Variants in ATP6V1E2 observed in about 807,000 individuals in gnomAD.
ATP6V1E2 encodes V-type proton ATPase subunit E 2.
For synonymous variants in ATP6V1E2, 121 were observed against 104.2 expected (o/e 1.16, Z -0.98); for missense variants, 308 against 273.3 (o/e 1.13, Z -0.90).
chr2:46,522,055 G>C (rs1666661398), intron 4 of ATP6V1E2, among the ~76,000 whole-genome samples: 1 of 152,104 alleles, frequency 6.6e-6, no homozygotes, highest in Non-Finnish European at 1.5e-5. Flanking sequence ...AACATTTTGG[G>C]AGGCAGAGGT....
chr2:46,540,553 C>T (rs60604300), intron 2 of ATP6V1E2, among the ~76,000 whole-genome samples: 49,105 of 149,664 alleles, frequency 0.33, 8,393 homozygotes, highest in South Asian at 0.4. Flanking sequence ...GCCTATGGGA[C>T]GCTCAGAAAC....
intron 4 of ATP6V1E2, among the ~76,000 whole-genome samples, chr2:46,527,462 C>G (rs1361111953): frequency 2.6e-5 from 4 of 152,200 alleles, no homozygotes; most frequent in Non-Finnish European, 5.9e-5. Context: ...ACCTCGTGAT[C>G]TGCCCACCTT....
At chr2:46,518,486 ACACAACACAC>A (rs1365865206) in intron 4 of ATP6V1E2, among the ~76,000 whole-genome samples, 3 of 81,280 alleles carry the variant, frequency 3.7e-5, no homozygotes, top group African/African-American at 1.6e-4. Flanking sequence ...ACACACACAC[ACACAACACAC>A]ACACACACAC....
At chr2:46,532,744 G>A (rs1005186665) in intron 4 of ATP6V1E2, among the ~76,000 whole-genome samples, 6 of 152,290 alleles carry the variant, frequency 3.9e-5, no homozygotes, top group East Asian at 1.9e-4. Flanking sequence ...GAAGCAGAGC[G>A]TGAGCCCTCA....
At chr2:46,518,926 A>C (rs1332698469) in intron 4 of ATP6V1E2, 1 of 152,124 alleles carries the variant, frequency 6.6e-6, no homozygotes, top group East Asian at 1.9e-4. Flanking sequence ...AGGAAGAAAT[A>C]TATCAGGTGA....
At chr2:46,514,711 G>A (rs914542192) in intron 4 of ATP6V1E2, among the ~76,000 whole-genome samples, 1 of 152,026 alleles carries the variant, frequency 6.6e-6, no homozygotes, top group African/African-American at 2.4e-5. Context: ...TCAAAAGAAG[G>A]CTGGGAAAAA....
intron 4 of ATP6V1E2, among the ~76,000 whole-genome samples, chr2:46,531,892 T>C (rs1257559027): frequency 6.6e-6 from 1 of 152,262 alleles, no homozygotes; most frequent in Non-Finnish European, 1.5e-5. Flanking sequence ...ATTTGTCATT[T>C]TATTGTTGAA....
chr2:46,512,597 TA>T lies in ATP6V1E2; in HGVS notation c.114del (p.Phe38LeufsTer14), dbSNP rs1687520359. ...TGCACGAGGCGTCCTTTCTCAATGT[TA>T]AACTCTTCCTCAGCCTTGGCATCGA... Reference protein sequence around the residue: ...EEIDAKAEEEFNIEKGRLVQT... With the variant: ...EEIDAKAEEEXNIEKGRLVQT... On this transcript the variant is annotated frameshift_variant, in exon 5 of 5. Coordinates refer to ENST00000522587, the MANE Select transcript of ATP6V1E2 (RefSeq NM_001318063.2). LOFTEE classifies it low-confidence loss of function (END_TRUNC). The T allele has an allele frequency of 6.2e-7, 1 of 1,614,214 alleles. No homozygotes were observed. The highest frequency in any genetic ancestry group is 8.5e-7 in the Non-Finnish European group (1 of 1,180,044).
chr2:46,527,099 G>C (rs1666960019), intron 4 of ATP6V1E2, among the ~76,000 whole-genome samples: 1 of 152,138 alleles, frequency 6.6e-6, no homozygotes, highest in Admixed American at 6.5e-5. Flanking sequence ...CTGTTGCCCA[G>C]GTTGGAGTGT....
rs1488943297 is a variant in ATP6V1E2, at chr2:46,535,001, T to C, written c.-102+812A>G. 2.0e-5 allele frequency: 3 copies of C among 152,240 alleles called. No homozygotes were observed. The highest frequency in any genetic ancestry group is 7.2e-5 in the African/African-American group (3 of 41,466). The allele number at this position is 152,240 out of a possible 1,614,324, so 9.4% of individuals were successfully genotyped here. ...CCTGTTTTGCTGTTATATTCTCTCC[T>C]TTCTGATACTCTGCCTTGAAAAGTC... On this transcript the variant is annotated intron_variant, in intron 4 of 4. Coordinates refer to ENST00000522587, the MANE Select transcript of ATP6V1E2 (RefSeq NM_001318063.2). This position sits in a 1 kb window ranked among gnomAD's most constrained non-coding sequence, Gnocchi z 4.4.
intron 2 of ATP6V1E2, among the ~76,000 whole-genome samples, chr2:46,538,179 C>T (rs1406323349): frequency 6.6e-6 from 1 of 152,108 alleles, no homozygotes; most frequent in African/African-American, 2.4e-5. Context: ...TGATCTGTCT[C>T]CTCCTGGCTC....
At chr2:46,523,872 T>A (rs1228625076) in intron 4 of ATP6V1E2, among the ~76,000 whole-genome samples, 3 of 152,232 alleles carry the variant, frequency 2.0e-5, no homozygotes, top group Non-Finnish European at 4.4e-5. Flanking sequence ...GAGAATGGAA[T>A]GTTTTTCCAT....
intron 4 of ATP6V1E2, among the ~76,000 whole-genome samples, chr2:46,513,413 T>C (rs1687568545): frequency 6.6e-6 from 1 of 152,268 alleles, no homozygotes; most frequent in African/African-American, 2.4e-5. Flanking sequence ...TGGAATGTTC[T>C]GCATATATGT....
At chr2:46,532,991 C>G (rs1398478765) in intron 4 of ATP6V1E2, among the ~76,000 whole-genome samples, 1 of 151,558 alleles carries the variant, frequency 6.6e-6, no homozygotes, top group Non-Finnish European at 1.5e-5. Context: ...GTTATAGGTT[C>G]TATTTCTACA....
At chr2:46,517,722 C>T (rs1666347661) in intron 4 of ATP6V1E2, among the ~76,000 whole-genome samples, 1 of 152,152 alleles carries the variant, frequency 6.6e-6, no homozygotes, top group African/African-American at 2.4e-5. Context: ...CAAAGGCCAA[C>T]AGGCATAGGA....
chr2:46,525,491 A>C (rs1271993552), intron 4 of ATP6V1E2, among the ~76,000 whole-genome samples: 1 of 137,668 alleles, frequency 7.3e-6, no homozygotes, highest in East Asian at 2.3e-4. Context: ...AAAAAAAAAG[A>C]AAGCAGGGAC....
rs151330555 is a variant in ATP6V1E2 at position 46,526,769 on chromosome 2, A to G, written c.-102+9044T>C. The stretch of plus-strand genomic sequence containing the variant: ...TGTGTGTATATACCATATTTTGTCT[A>G]TTCATCCATTCATAGAGACTTGGGG... On this transcript the variant is annotated intron_variant, in intron 4 of 4. Transcript: ENST00000522587. 3.8e-3 allele frequency among the ~76,000 whole-genome samples: 580 copies of G among 152,202 alleles called. 2 individuals carry two copies. Among genetic ancestry groups the G allele is most frequent in the African/African-American group, 0.012 (510 of 41,516 alleles).
Position 46,541,427 on chromosome 2 carries a change from G to C in ATP6V1E2, c.-347C>G, listed in dbSNP as rs535618849. On this transcript the variant is annotated 5_prime_UTR_variant, in exon 2 of 5. It adds an upstream start codon to the 5' untranslated region. Coordinates refer to ENST00000522587, the MANE Select transcript of ATP6V1E2 (RefSeq NM_001318063.2). The stretch of plus-strand genomic sequence containing the variant: ...AGACTTCCTGGGAGAGTGGAAATCA[G>C]ATTCGGAGTTTGAGAGTTCAGGCCT... 1 of 152,394 alleles carries C rather than the reference G, an allele frequency of 6.6e-6. No individual in the cohort carries two copies. Among genetic ancestry groups the C allele is most frequent in the South Asian group, 2.1e-4 (1 of 4,834 alleles). 9.4% of individuals were successfully genotyped at this position (152,394 alleles called of 1,614,324 possible).
chr2:46,513,132 A>G (rs1390998400), intron 4 of ATP6V1E2, among the ~76,000 whole-genome samples: 1 of 152,172 alleles, frequency 6.6e-6, no homozygotes, highest in African/African-American at 2.4e-5. Flanking sequence ...TAATACATAA[A>G]TGGAAAGCAT....
Sources: allele counts gnomAD v4.1 joint callset (sites outside exome capture counted in the v4.1 genomes callset), GRCh38; gene constraint gnomAD v4.1.1; non-coding constraint Gnocchi (gnomAD v3.1); transcripts MANE v1.5; gene names NCBI Gene and HGNC (gene_info 2026-07-23, HGNC 2026-07-21).